Variants in TRIM45 observed in about 807,000 individuals in gnomAD.
TRIM45 encodes the protein E3 ubiquitin-protein ligase TRIM45.
Under a neutral mutation model 46.7 loss-of-function variants are expected in TRIM45, and 45 were observed. The ratio of observed to expected loss-of-function variants is 0.96; its 90% CI spans 0.76 to 1.24. The LOEUF (loss-of-function observed/expected upper bound fraction) is 1.24, where lower values mean the gene tolerates loss of function less well. Ranked by LOEUF, TRIM45 falls within the 50% of genes most tolerant of loss-of-function variation. The pLI is 0.00. For missense variants in TRIM45, 680 were observed against 728.4 expected, an observed-to-expected ratio of 0.93 and a Z score of 0.77; for synonymous variants, 259 against 285.8, an observed-to-expected ratio of 0.91 and a Z score of 0.94.
Position 117,113,500 on chromosome 1 carries a change from C to G in TRIM45, c.1468-15G>C, listed in dbSNP as rs188812029. On this transcript the variant is annotated splice_polypyrimidine_tract_variant and intron_variant, in intron 4 of 5. Transcript: ENST00000256649. This position sits in a 1 kb window ranked among gnomAD's most constrained non-coding sequence, Gnocchi z 4.0. ...AATGGCGAGCCCTGCAGTGTTCAGA[C>G]CAAAAGCAATGAACAGCATCTTACG... 3.1e-6 allele frequency: 5 copies of G among 1,611,032 alleles called. No homozygotes were observed. In the Admixed American group the frequency reaches 8.4e-5, roughly 27 times the overall value.
Position 117,120,890 on chromosome 1 carries a change from G to A in TRIM45, c.312C>T (p.Pro104=). ...TGGTTAAAGCCTTCACTCCACCCATGGGCAGGTCCACCTGAGCATCACATA... is the reference window on the plus strand; with the variant it reads ...TGGTTAAAGCCTTCACTCCACCCATAGGCAGGTCCACCTGAGCATCACATA... ...CPVCDAQVDL[P]MGGVKALTID... is the part of the protein sequence containing the mutation. The change falls in exon 1 of 6, where the codon CCC becomes CCT. Residue 104 remains proline (P), a synonymous_variant. Transcript: ENST00000256649. 1.2e-6 allele frequency: 2 copies of A among 1,614,192 alleles called. No homozygotes were observed. The highest frequency in any genetic ancestry group is 2.2e-5 in the South Asian group (2 of 91,076).
Position 117,111,086 on chromosome 1 carries a change from T to C in TRIM45, c.*1219A>G, listed in dbSNP as rs1650191192. 1 of 152,190 alleles carries C rather than the reference T, an allele frequency of 6.6e-6. No individual in the cohort carries two copies. Among genetic ancestry groups the C allele is most frequent in the African/African-American group, 2.4e-5 (1 of 41,446 alleles). The allele number at this position is 152,190 out of a possible 1,614,324, so 9.4% of individuals were successfully genotyped here. On this transcript the variant is annotated 3_prime_UTR_variant, in exon 6 of 6. Transcript: ENST00000256649. ...TATATTTAATACATGCTGAGTTTAT[T>C]GCCATATAAGAAATCAAGAGTTTCA...
Position 117,116,264 on chromosome 1 carries a change from T to C in TRIM45, c.1352+352A>G, listed in dbSNP as rs550360713. On this transcript the variant is annotated intron_variant, in intron 3 of 5. Coordinates refer to ENST00000256649, the MANE Select transcript of TRIM45 (RefSeq NM_025188.4). The surrounding 1 kb of genome is among the most constrained non-coding windows in gnomAD (Gnocchi z 4.6). ...TTTTTTTTTTTTGGACCTGGGGTCT[T>C]GCTCTGTTGCCCAGGCTGGAGTGCA... 5.9e-5 allele frequency among the ~76,000 whole-genome samples: 9 copies of C among 152,082 alleles called. No homozygotes were observed. Among genetic ancestry groups the C allele is most frequent in the African/African-American group, 2.2e-4 (9 of 41,474 alleles).
In TRIM45 at chr1:117,120,978, C is replaced by A; in HGVS notation, c.224G>T (p.Gly75Val). ...RGGDSDTSSE[G>V]SIFQELKPRS... is the part of the protein sequence containing the mutation. ...TGGCTTGAGTTCCTGGAATATTGAC[C>A]CCTCAGAGCTTGTGTCAGAGTCTCC... is the stretch of plus-strand genomic sequence containing the variant. The change falls in exon 1 of 6, where the codon GGG (glycine) becomes GTG (valine). Residue 75 changes from glycine (G) to valine (V), a missense_variant. Around this residue, in one of 3 missense-constraint regions of TRIM45, gnomAD observed 349 missense variants for 343.6 expected, o/e 1.02. Transcript: ENST00000256649. 6.2e-7 allele frequency: 1 copy of A among 1,614,182 alleles called. No individual in the cohort carries two copies. Among genetic ancestry groups the A allele is most frequent in the Non-Finnish European group, 8.5e-7 (1 of 1,180,036 alleles).
rs757400089 is a variant in TRIM45 at position 117,118,633 on chromosome 1, C to A, written c.623G>T (p.Arg208Leu). The change falls in exon 2 of 6, where the codon CGG (arginine) becomes CTG (leucine). Residue 208 changes from arginine (R) to leucine (L), a missense_variant. Arg to Leu is a moderately radical substitution (Grantham distance 102, BLOSUM62 -2). Coordinates refer to ENST00000256649, the MANE Select transcript of TRIM45 (RefSeq NM_025188.4). The surrounding 1 kb of genome is among the most constrained non-coding windows in gnomAD (Gnocchi z 5.7). Reference sequence around the variant, plus strand: ...CACCACACAATCCTGGCACACGGGCCGGTCACAGAACTCACAGAACAGCCT... The same window carrying A: ...CACCACACAATCCTGGCACACGGGCAGGTCACAGAACTCACAGAACAGCCT... Reference protein sequence around the residue: ...ELRLFCEFCDRPVCQDCVVGE... With the variant: ...ELRLFCEFCDLPVCQDCVVGE... 6.2e-7 allele frequency: 1 copy of A among 1,614,076 alleles called. No individual in the cohort carries two copies. The highest frequency in any genetic ancestry group is 8.5e-7 in the Non-Finnish European group (1 of 1,180,042).
Position 117,113,531 on chromosome 1 carries a change from A to ACAGGATGTGCTGCGCAT in TRIM45, c.1468-63_1468-47dup, listed in dbSNP as rs1553203062. 8.8e-6 allele frequency: 14 copies of ACAGGATGTGCTGCGCAT among 1,597,908 alleles called. No homozygotes were observed. The highest frequency in any genetic ancestry group is 1.2e-5 in the Non-Finnish European group (14 of 1,170,548). ...GCAATGAACAGCATCTTACGAGTTAACAGGATGTGCTGCGCATCACTATGT... is the reference window on the plus strand; with the variant it reads ...GCAATGAACAGCATCTTACGAGTTAACAGGATGTGCTGCGCATCAGGATGTGCTGCGCATCACTATGT... On this transcript the variant is annotated intron_variant, in intron 4 of 5. Transcript: ENST00000256649. This position sits in a 1 kb window ranked among gnomAD's most constrained non-coding sequence, Gnocchi z 4.0.
chr1:117,116,051 T>C lies in TRIM45; in HGVS notation c.1353-362A>G, dbSNP rs1341678229. Among the ~76,000 whole-genome samples the C allele has an allele frequency of 6.6e-6, 1 of 152,180 alleles. No homozygotes were observed. Among genetic ancestry groups the C allele is most frequent in the Non-Finnish European group, 1.5e-5 (1 of 68,034 alleles). The stretch of plus-strand genomic sequence containing the variant: ...AGACTGAATTTTGAAAAGGGTACCA[T>C]TCAGTCTAACACAGAATATTTTTCA... On this transcript the variant is annotated intron_variant, in intron 3 of 5. Transcript: ENST00000256649. The surrounding 1 kb of genome is among the most constrained non-coding windows in gnomAD (Gnocchi z 4.6).
At position 117,115,663 on chromosome 1, in the gene TRIM45, T is replaced by C. The variant is rs1650373198; in HGVS notation, c.1379A>G (p.Asn460Ser). ...GGAAATGTAGTATGTCCCATCCTTG[T>C]TATCCTGGACCATTGTTCTGACTGG... Reference protein sequence around the residue: ...DSPVRTMVQDNKDGTYYISYT... With the variant: ...DSPVRTMVQDSKDGTYYISYT... Residue 460 changes from asparagine (N) to serine (S), a missense_variant, in exon 4 of 6, where the codon AAC becomes AGC. This residue lies in a region of TRIM45 where 322 missense variants were observed against 359.3 expected (regional missense o/e 0.90). Transcript: ENST00000256649. This position sits in a 1 kb window ranked among gnomAD's most constrained non-coding sequence, Gnocchi z 4.2. 6.2e-7 allele frequency: 1 copy of C among 1,613,944 alleles called. No homozygotes were observed. The highest frequency in any genetic ancestry group is 1.1e-5 in the South Asian group (1 of 91,076).
At position 117,113,356 on chromosome 1, in the gene TRIM45, T is replaced by C. The variant is rs1650289235; in HGVS notation, c.1594+3A>G. The C allele has an allele frequency of 1.9e-6, 3 of 1,611,884 alleles. No individual in the cohort carries two copies. Among genetic ancestry groups the C allele is most frequent in the Non-Finnish European group, 2.5e-6 (3 of 1,179,844 alleles). On this transcript the variant is annotated splice_donor_region_variant and intron_variant, in intron 5 of 5. Transcript: ENST00000256649. This position sits in a 1 kb window ranked among gnomAD's most constrained non-coding sequence, Gnocchi z 4.0. ...GGCCCAGAGGGTAGTGCTTTCTCCT[T>C]ACCTGGCATGGTGCCTCCACAGGCG...
At chr1:117,114,395 C>G (rs180881091) in intron 4 of TRIM45, among the ~76,000 whole-genome samples, 1 of 152,362 alleles carries the variant, frequency 6.6e-6, no homozygotes, top group East Asian at 1.9e-4. Flanking sequence ...TCACTGCAGC[C>G]TTGAGCTCCT....
chr1:117,115,699 G>A lies in TRIM45; in HGVS notation c.1353-10C>T, dbSNP rs1376966338. ...CATTGTTCTGACTGGGCTGAATGGAGATAAGAGTCAAAACACCACTCACTT... is the reference window on the plus strand; with the variant it reads ...CATTGTTCTGACTGGGCTGAATGGAAATAAGAGTCAAAACACCACTCACTT... On this transcript the variant is annotated splice_polypyrimidine_tract_variant and intron_variant, in intron 3 of 5. Coordinates refer to ENST00000256649, the MANE Select transcript of TRIM45 (RefSeq NM_025188.4). This position sits in a 1 kb window ranked among gnomAD's most constrained non-coding sequence, Gnocchi z 4.2. 25 of 1,598,638 alleles carry A rather than the reference G, an allele frequency of 1.6e-5. No homozygotes were observed. Among genetic ancestry groups the A allele is most frequent in the Non-Finnish European group, 2.1e-5 (24 of 1,166,134 alleles).
Position 117,121,012 on chromosome 1 carries a change from T to C in TRIM45, c.190A>G (p.Ile64Val). The C allele has an allele frequency of 8.1e-6, 13 of 1,614,186 alleles. No homozygotes were observed. Among genetic ancestry groups the C allele is most frequent in the Non-Finnish European group, 1.1e-5 (13 of 1,180,020 alleles). Reference sequence around the variant, plus strand: ...CTTGTGTCAGAGTCTCCCCCTCGGATGTCCACTACTGAGAAGGGCTCCAGC... The same window carrying C: ...CTTGTGTCAGAGTCTCCCCCTCGGACGTCCACTACTGAGAAGGGCTCCAGC... ...EQLEPFSVVDIRGGDSDTSSE... is the reference protein window; with the variant it reads ...EQLEPFSVVDVRGGDSDTSSE... The change falls in exon 1 of 6, where the codon ATC becomes GTC. Residue 64 changes from isoleucine to valine, a missense_variant. Around this residue, in one of 3 missense-constraint regions of TRIM45, gnomAD observed 349 missense variants for 343.6 expected, o/e 1.02. Coordinates refer to ENST00000256649, the MANE Select transcript of TRIM45 (RefSeq NM_025188.4). This position sits in a 1 kb window ranked among gnomAD's most constrained non-coding sequence, Gnocchi z 4.2.
chr1:117,121,671 G>T lies in TRIM45; in HGVS notation c.-470C>A. On this transcript the variant is annotated 5_prime_UTR_variant, in exon 1 of 6. Transcript: ENST00000256649. This position sits in a 1 kb window ranked among gnomAD's most constrained non-coding sequence, Gnocchi z 4.2. ...TGCGAAAGGCGCGCGCCGGGTGAGG[G>T]AATTGCAAGCCGCCGGCGGGCTTCT... 1.8e-6 allele frequency: 1 copy of T among 547,072 alleles called. No individual in the cohort carries two copies. The highest frequency in any genetic ancestry group is 3.2e-6 in the Non-Finnish European group (1 of 309,088). 33.9% of individuals were successfully genotyped at this position (547,072 alleles called of 1,614,324 possible).
upstream of TRIM45, chr1:117,121,783 C>T (rs760417476): frequency 5.6e-6 from 4 of 709,362 alleles, no homozygotes; most frequent in South Asian, 3.0e-5. The surrounding 1 kb of genome is among the most constrained non-coding windows in gnomAD (Gnocchi z 4.2). Flanking sequence ...CGGTCTACTC[C>T]GGCGAGTCCA....
chr1:117,112,398 C>T lies in TRIM45; in HGVS notation c.1650G>A (p.Trp550Ter), dbSNP rs763054936. ...GHKGHPGHPH[W>*]SCCGKFNEKS... The stretch of plus-strand genomic sequence containing the variant: ...TCTCATTAAATTTTCCACAGCATGA[C>T]CAGTGGGGATGACCTGGGTGGCCTT... Residue 550 changes from tryptophan to a stop codon, truncating the protein, a stop_gained, in exon 6 of 6, where the codon TGG (tryptophan) becomes TGA (stop). Transcript: ENST00000256649. LOFTEE classifies it high-confidence loss of function. The T allele has an allele frequency of 1.9e-6, 3 of 1,614,082 alleles. No homozygotes were observed. Among genetic ancestry groups the T allele is most frequent in the Non-Finnish European group, 2.5e-6 (3 of 1,179,976 alleles).
chr1:117,115,467 T>C lies in TRIM45; in HGVS notation c.1467+108A>G. 1 of 783,436 alleles carries C rather than the reference T, an allele frequency of 1.3e-6. No homozygotes were observed. Among genetic ancestry groups the C allele is most frequent in the Non-Finnish European group, 2.2e-6 (1 of 464,592 alleles). The allele number at this position is 783,436 out of a possible 1,614,324, so 48.5% of individuals were successfully genotyped here. A position where few individuals can be genotyped will look rare whatever the true frequency, so the allele number is the denominator to read the frequency against. On this transcript the variant is annotated intron_variant, in intron 4 of 5. Coordinates refer to ENST00000256649, the MANE Select transcript of TRIM45 (RefSeq NM_025188.4). The surrounding 1 kb of genome is among the most constrained non-coding windows in gnomAD (Gnocchi z 4.2). Reference sequence around the variant, plus strand: ...TGTTTCTAAAGTGAAGAAGAAGACATGGGGATTCTATTCAATCTCTCTGTA... The same window carrying C: ...TGTTTCTAAAGTGAAGAAGAAGACACGGGGATTCTATTCAATCTCTCTGTA...
At position 117,118,630 on chromosome 1, in the gene TRIM45, G is replaced by T; in HGVS notation, c.626C>A (p.Pro209His). Residue 209 changes from proline to histidine, a missense_variant, in exon 2 of 6, where the codon CCC (proline) becomes CAC (histidine). By Grantham distance (77) the Pro-to-His change is moderately conservative (BLOSUM62 -2). Transcript: ENST00000256649. The surrounding 1 kb of genome is among the most constrained non-coding windows in gnomAD (Gnocchi z 5.7). ...CCCCACCACACAATCCTGGCACACG[G>T]GCCGGTCACAGAACTCACAGAACAG... The part of the protein sequence containing the change: ...LRLFCEFCDR[P>H]VCQDCVVGEH... The T allele has an allele frequency of 6.2e-7, 1 of 1,614,040 alleles. No individual in the cohort carries two copies. Among genetic ancestry groups the T allele is most frequent in the Non-Finnish European group, 8.5e-7 (1 of 1,180,032 alleles).
intron 4 of TRIM45, among the ~76,000 whole-genome samples, chr1:117,114,475 A>G (rs1169394651): frequency 6.6e-6 from 1 of 152,222 alleles, no homozygotes; most frequent in East Asian, 1.9e-4. Flanking sequence ...TAAATATTTA[A>G]TAAGTTGCAA....
At position 117,115,772 on chromosome 1, in the gene TRIM45, C is replaced by A. The variant is rs2101339665; in HGVS notation, c.1353-83G>T. ...ACTATTTCAGAATGTAAACTCTACA[C>A]CATCCCATTCAGTATTAATGTTAAA... On this transcript the variant is annotated intron_variant, in intron 3 of 5. Coordinates refer to ENST00000256649, the MANE Select transcript of TRIM45 (RefSeq NM_025188.4). This position sits in a 1 kb window ranked among gnomAD's most constrained non-coding sequence, Gnocchi z 4.2. 1.1e-6 allele frequency: 1 copy of A among 873,418 alleles called. No homozygotes were observed. Among genetic ancestry groups the A allele is most frequent in the Non-Finnish European group, 1.9e-6 (1 of 525,190 alleles). The allele number at this position is 873,418 out of a possible 1,614,324, so 54.1% of individuals were successfully genotyped here. A position where few individuals can be genotyped will look rare whatever the true frequency, so the allele number is the denominator to read the frequency against.
Sources: gnomAD v4.1 joint callset for allele counts (sites outside exome capture counted in the v4.1 genomes callset) on GRCh38, gnomAD v4.1.1 for gene constraint, gnomAD v4.1.1 regional missense constraint, Gnocchi (gnomAD v3.1) non-coding constraint, MANE v1.5 for transcripts, NCBI Gene and HGNC (gene_info 2026-07-23, HGNC 2026-07-21) for gene names.